The following PLCG2 variants were observed in gnomAD, a reference collection of about 807,000 sequenced individuals.
PLCG2 encodes the protein phospholipase C gamma 2.
PLCG2 carries 69 observed loss-of-function variants against 175.6 expected under a neutral mutation model. That is an observed-to-expected ratio of 0.39 (90% confidence interval 0.32 to 0.48). The LOEUF (loss-of-function observed/expected upper bound fraction) is 0.48, where lower values mean the gene tolerates loss of function less well. Ranked by LOEUF, PLCG2 falls within the 20% of genes least tolerant of loss-of-function variation. PLCG2 has a pLI of 0.91. For synonymous variants in PLCG2, 827 were observed against 624.0 expected (o/e 1.33, Z -4.85); for missense variants, 1,798 against 1,650.9 (o/e 1.09, Z -1.54).
At chr16:81,911,597 CTAATTAATTAATTAAT>C (rs58191847) in intron 18 of PLCG2, among the ~76,000 whole-genome samples, 2 of 146,454 alleles carry the variant, frequency 1.4e-5, no homozygotes, top group South Asian at 2.3e-4. Flanking sequence ...CTGTGCCCAG[CTAATTAATTAATTAAT>C]TAATTAATTA....
At chr16:81,797,467 G>C (rs977005328) in intron 2 of PLCG2, among the ~76,000 whole-genome samples, 1 of 152,174 alleles carries the variant, frequency 6.6e-6, no homozygotes, top group Non-Finnish European at 1.5e-5. Flanking sequence ...TGCAAGGCCC[G>C]ATCTTGGGGC....
chr16:81,953,900 C>T (rs1383766861), intron 31 of PLCG2, among the ~76,000 whole-genome samples: 1 of 152,170 alleles, frequency 6.6e-6, no homozygotes, highest in Non-Finnish European at 1.5e-5. Context: ...GAATTTTGAA[C>T]TTGCGCCCGA....
intron 8 of PLCG2, 87 bp downstream of exon 8, chr16:81,881,040 T>C: frequency 7.5e-7 from 1 of 1,333,364 alleles, no homozygotes; most frequent in Admixed American, 1.7e-5. Context: ...GGGATGCCTG[T>C]GTGTGCAGGC....
chr16:81,745,444 C>T (rs1909685002), intron 1 of PLCG2, among the ~76,000 whole-genome samples: 1 of 152,192 alleles, frequency 6.6e-6, no homozygotes, highest in African/African-American at 2.4e-5. Context: ...CAAACAACGA[C>T]TATAACTCAG....
chr16:81,923,511 T>TG lies in PLCG2; in HGVS notation c.2335dup (p.Asp779GlyfsTer9). The TG allele has an allele frequency of 6.2e-7, 1 of 1,612,860 alleles. No individual in the cohort carries two copies. The highest frequency in any genetic ancestry group is 8.5e-7 in the Non-Finnish European group (1 of 1,178,964). On this transcript the variant is annotated frameshift_variant, in exon 22 of 33. Transcript: ENST00000564138. LOFTEE classifies it high-confidence loss of function. Reference sequence around the variant, plus strand: ...CTCAGAGAACCGTGAAAGCTCTGTATGACTACAAAGCCAAGCGAAGCGATG... The same window carrying TG: ...CTCAGAGAACCGTGAAAGCTCTGTATGGACTACAAAGCCAAGCGAAGCGATG...
intron 2 of PLCG2, among the ~76,000 whole-genome samples, chr16:81,806,965 C>A (rs1480364396): frequency 6.6e-6 from 1 of 152,094 alleles, no homozygotes; most frequent in Non-Finnish European, 1.5e-5. Flanking sequence ...CTCCAGGGAG[C>A]CGGGAGCCAT....
At chr16:81,924,513 T>G (rs1193535325) in intron 22 of PLCG2, among the ~76,000 whole-genome samples, 2 of 152,264 alleles carry the variant, frequency 1.3e-5, no homozygotes, top group African/African-American at 4.8e-5. Context: ...CCTTCAGAAG[T>G]GCAGTCACTT....
chr16:81,805,224 G>C (rs577039497), intron 2 of PLCG2, among the ~76,000 whole-genome samples: 1 of 152,216 alleles, frequency 6.6e-6, no homozygotes, highest in South Asian at 2.1e-4. Context: ...AAAAGGCCAG[G>C]CTCGGTAGCT....
intron 7 of PLCG2, among the ~76,000 whole-genome samples, chr16:81,879,363 T>C (rs574692353): frequency 3.9e-5 from 6 of 152,320 alleles, no homozygotes; most frequent in Admixed American, 1.3e-4. Flanking sequence ...ACCTATGCTG[T>C]AAATTACACA....
chr16:81,895,417 G>A lies in PLCG2; in HGVS notation c.1073-390G>A, dbSNP rs973054389. On this transcript the variant is annotated intron_variant, in intron 12 of 32. Transcript: ENST00000564138. ...CTACTAAAATACAAAAAAATTAGCC[G>A]AGCGTGATGGTACGCGCCTGTAGTC... is the stretch of plus-strand genomic sequence containing the variant. Among the ~76,000 whole-genome samples, 7 of 152,126 alleles carry A rather than the reference G, an allele frequency of 4.6e-5. No homozygotes were observed. In the East Asian group the frequency reaches 9.6e-4, roughly 21 times the overall value.
chr16:81,775,894 C>T (rs1261451971), upstream of PLCG2, among the ~76,000 whole-genome samples: 8 of 151,766 alleles, frequency 5.3e-5, no homozygotes, highest in Non-Finnish European at 1.5e-5. Flanking sequence ...TGCCTGAATG[C>T]CTCTTATTAA....
chr16:81,928,066 C>A (rs565232155), intron 23 of PLCG2, among the ~76,000 whole-genome samples: 18 of 151,996 alleles, frequency 1.2e-4, no homozygotes, highest in Admixed American at 4.6e-4. Context: ...CTCAGCCAGA[C>A]CCTGGGATGG....
At position 81,919,550 on chromosome 16, in the gene PLCG2, C is replaced by T. The variant is rs527809751; in HGVS notation, c.2121C>T (p.Ser707=). ...GCCGGCACTTTGTGCTGGGGACCTC[C>T]GCCTATTTTGAGAGTCTGGTGGAGC... ...RDGRHFVLGT[S]AYFESLVELV... The change falls in exon 20 of 33, where the codon TCC becomes TCT. Residue 707 remains serine, a synonymous_variant. Coordinates refer to ENST00000564138, the MANE Select transcript of PLCG2 (RefSeq NM_002661.5). 132 of 1,614,058 alleles carry T rather than the reference C, an allele frequency of 8.2e-5. No homozygotes were observed. The highest frequency in any genetic ancestry group is 1.7e-4 in the Middle Eastern group (1 of 6,060).
chr16:81,796,204 G>C (rs189139124), intron 2 of PLCG2, among the ~76,000 whole-genome samples: 8 of 152,356 alleles, frequency 5.3e-5, no homozygotes, highest in African/African-American at 1.9e-4. Context: ...CTCTTAGACA[G>C]CCTCATCTGC....
rs762815312 is a variant in PLCG2 at position 81,771,057 on chromosome 16, CAA to C, written c.-47-14872_-47-14871del. On this transcript the variant is annotated intron_variant, in intron 2 of 5. Transcript: ENST00000565054. ...TTGGTGACAGAGCGAGACTCCATCT[CAA>C]AAAAAAAAAAAAATAAATAAATAAA... Among the ~76,000 whole-genome samples, 144 of 94,570 alleles carry C rather than the reference CAA, an allele frequency of 1.5e-3. 2 individuals are homozygous for C. The South Asian group carries it at 0.032, about 21-fold the overall frequency. The allele number at this position is 94,570 out of a possible 152,430, so 62.0% of individuals were successfully genotyped here. A position where few individuals can be genotyped will look rare whatever the true frequency, so the allele number is the denominator to read the frequency against.
chr16:81,753,223 C>G (rs927765300), intron 1 of PLCG2, among the ~76,000 whole-genome samples: 2 of 152,124 alleles, frequency 1.3e-5, no homozygotes, highest in African/African-American at 4.8e-5. Flanking sequence ...AAGCTCAGGT[C>G]CACACAGCAC....
chr16:81,860,694 G>A (rs1454973286), intron 5 of PLCG2, among the ~76,000 whole-genome samples: 1 of 152,160 alleles, frequency 6.6e-6, no homozygotes, highest in Non-Finnish European at 1.5e-5. Context: ...CATTTGGCCA[G>A]GCGCAGTGGT....
intron 2 of PLCG2, among the ~76,000 whole-genome samples, chr16:81,766,150 G>A (rs1392150898): frequency 6.6e-6 from 1 of 152,180 alleles, no homozygotes; most frequent in Non-Finnish European, 1.5e-5. Flanking sequence ...CACTGTTTAT[G>A]ATGGCAACAG....
At chr16:81,762,114 C>T (rs1314595324) in intron 2 of PLCG2, among the ~76,000 whole-genome samples, 2 of 152,072 alleles carry the variant, frequency 1.3e-5, no homozygotes, top group African/African-American at 2.4e-5. Flanking sequence ...AGATTACAGG[C>T]ATGAGCCACC....
Sources: allele counts gnomAD v4.1 joint callset (sites outside exome capture counted in the v4.1 genomes callset), GRCh38; gene constraint gnomAD v4.1.1; transcripts MANE v1.5; gene names NCBI Gene and HGNC (gene_info 2026-07-23, HGNC 2026-07-21).